The following KIF9 variants were observed in gnomAD, a reference collection of about 807,000 sequenced individuals.
KIF9 encodes the protein kinesin-like protein KIF9.
KIF9 carries 68 observed loss-of-function variants against 94.8 expected under a neutral mutation model. That is an observed-to-expected ratio of 0.72 (90% CI 0.59 to 0.88). The LOEUF (loss-of-function observed/expected upper bound fraction) is 0.88. Among genes scored for constraint, KIF9 ranks in the 40% least tolerant of loss-of-function variants. The pLI, the probability that KIF9 is intolerant of heterozygous loss-of-function variation, is 0.00. For synonymous variants in KIF9, 343 were observed against 362.1 expected, an observed-to-expected ratio of 0.95 and a Z score of 0.60; for missense variants, 882 against 982.5, an observed-to-expected ratio of 0.90 and a Z score of 1.37.
At chr3:47,242,952 CTTATTT>C (rs1559429905) in intron 16 of KIF9, 93 bp downstream of exon 16, 1 of 1,015,092 alleles carries the variant, frequency 9.9e-7, no homozygotes, top group Admixed American at 2.6e-5. Flanking sequence ...CCTATTATTT[CTTATTT>C]TATTTCTCTT....
intron 15 of KIF9, 157 bp downstream of exon 15, chr3:47,244,634 C>T (rs930373477): frequency 1.3e-5 from 12 of 902,580 alleles, no homozygotes; most frequent in Admixed American, 4.4e-5. Flanking sequence ...AGCCCCAGCC[C>T]GGGCCCCACA....
chr3:47,255,612 T>C (rs902270077), intron 10 of KIF9, among the ~76,000 whole-genome samples: 6 of 152,230 alleles, frequency 3.9e-5, no homozygotes, highest in Non-Finnish European at 8.8e-5. Context: ...CTGACTGATG[T>C]TGAACTACAG....
At chr3:47,246,550 G>A (rs972195268) in intron 12 of KIF9, 1 of 63,614 alleles carries the variant, frequency 1.6e-5, no homozygotes, top group Non-Finnish European at 3.0e-5. Context: ...ACCTTCTAAA[G>A]GTTTTTTTTT....
chr3:47,237,446 G>C (rs1452178877), intron 17 of KIF9, among the ~76,000 whole-genome samples: 1 of 152,210 alleles, frequency 6.6e-6, no homozygotes, highest in Non-Finnish European at 1.5e-5. Context: ...GTGTTGAGTA[G>C]CTATCAAAGG....
intron 3 of KIF9, chr3:47,275,095 T>G: frequency 5.9e-6 from 3 of 505,902 alleles, no homozygotes; most frequent in Non-Finnish European, 6.9e-6. Flanking sequence ...CTGTGACCTA[T>G]AGAGAGCCAT....
intron 5 of KIF9, among the ~76,000 whole-genome samples, chr3:47,270,069 A>C (rs1701544815): frequency 6.6e-6 from 1 of 150,912 alleles, no homozygotes; most frequent in Non-Finnish European, 1.5e-5. Flanking sequence ...TGCCCAGCCT[A>C]ATTTTTGTAT....
At chr3:47,251,238 CA>C (rs775488071) in intron 10 of KIF9, among the ~76,000 whole-genome samples, 6 of 152,194 alleles carry the variant, frequency 3.9e-5, no homozygotes, top group Admixed American at 1.3e-4. Context: ...TGAGGCACAG[CA>C]GAGCCAAACT....
chr3:47,273,503 CAG>C (rs1268943184), intron 4 of KIF9, 47 bp downstream of exon 4: 9 of 1,424,514 alleles, frequency 6.3e-6, no homozygotes, highest in Middle Eastern at 2.1e-4. Context: ...ACATCTATGG[CAG>C]AGAGAGGGAA....
intron 20 of KIF9, among the ~76,000 whole-genome samples, chr3:47,233,568 T>C (rs1698776427): frequency 6.7e-6 from 1 of 149,782 alleles, no homozygotes; most frequent in African/African-American, 2.5e-5. Flanking sequence ...ATGTGGTGTA[T>C]GCCTATAGTC....
intron 9 of KIF9, chr3:47,263,761 CTCTT>C (rs1489670845): frequency 6.8e-6 from 3 of 438,752 alleles, no homozygotes; most frequent in African/African-American, 6.1e-5. Flanking sequence ...TGGCTTCTCT[CTCTT>C]TCTGGGTTGA....
chr3:47,233,341 G>A (rs368063794), intron 20 of KIF9, among the ~76,000 whole-genome samples: 42 of 122,684 alleles, frequency 3.4e-4, no homozygotes, highest in East Asian at 1.5e-3. Flanking sequence ...CAGCCTGGGC[G>A]ACAGAGTGAG....
intron 9 of KIF9, among the ~76,000 whole-genome samples, chr3:47,257,781 C>T (rs947554393): frequency 6.6e-6 from 1 of 152,212 alleles, no homozygotes; most frequent in Non-Finnish European, 1.5e-5. Flanking sequence ...ATCCAGCAGC[C>T]TGGTCCTCGT....
At chr3:47,267,969 C>T (rs1196076094) in intron 5 of KIF9, among the ~76,000 whole-genome samples, 11 of 150,378 alleles carry the variant, frequency 7.3e-5, no homozygotes, top group African/African-American at 2.7e-4. Flanking sequence ...CCTCCCGGGC[C>T]CAAGCCATCC....
In KIF9 at chr3:47,236,020, CCT is replaced by C. The variant is rs1248165202; in HGVS notation, c.2217+12_2217+13del. 3 of 1,594,278 alleles carry C rather than the reference CCT, an allele frequency of 1.9e-6. No homozygotes were observed. Among genetic ancestry groups the C allele is most frequent in the South Asian group, 1.1e-5 (1 of 90,588 alleles). On this transcript the variant is annotated intron_variant, in intron 19 of 20. Transcript: ENST00000684063. ...GTTCAACCACTGCCACACCCCTGCC[CCT>C]GTGCCGCTCACCAGAGACACAATCC...
At chr3:47,273,521 G>A (rs747765006) in intron 4 of KIF9, 31 bp downstream of exon 4, 12 of 1,516,766 alleles carry the variant, frequency 7.9e-6, no homozygotes, top group Admixed American at 1.8e-5. Context: ...GGGAACCTGT[G>A]TGGCATCCCA....
At chr3:47,267,149 C>T (rs758644664) in intron 6 of KIF9, 31 bp downstream of exon 6, 14 of 1,602,892 alleles carry the variant, frequency 8.7e-6, no homozygotes, top group Middle Eastern at 1.6e-4. Context: ...TTGACTGCCC[C>T]GCCTGGGCTG....
At chr3:47,260,726 A>T (rs1041805996) in intron 9 of KIF9, among the ~76,000 whole-genome samples, 1 of 152,168 alleles carries the variant, frequency 6.6e-6, no homozygotes, top group Non-Finnish European at 1.5e-5. Context: ...CAGGAATTCA[A>T]CTCAGGCACT....
chr3:47,253,727 A>G (rs115679904), intron 10 of KIF9, among the ~76,000 whole-genome samples: 113 of 152,288 alleles, frequency 7.4e-4, no homozygotes, highest in African/African-American at 2.7e-3. Context: ...CTTGAGATTT[A>G]TCCATGCAGG....
intron 20 of KIF9, among the ~76,000 whole-genome samples, chr3:47,233,370 A>C (rs1698757128): frequency 1.3e-5 from 2 of 150,238 alleles, no homozygotes; most frequent in Non-Finnish European, 3.0e-5. Flanking sequence ...TCAAAAAAAA[A>C]AAAAAAAAAA....
Sources: allele counts gnomAD v4.1 joint callset (sites outside exome capture counted in the v4.1 genomes callset), GRCh38; gene constraint gnomAD v4.1.1; transcripts MANE v1.5; gene names NCBI Gene and HGNC (gene_info 2026-07-23, HGNC 2026-07-21).